The following UBOX5 variants were observed in gnomAD, a reference collection of about 807,000 sequenced individuals.
The protein encoded by UBOX5 is U-box domain containing 5.
A neutral mutation model predicts 39.0 loss-of-function variants in UBOX5; 28 were observed. The observed-to-expected ratio is 0.72, with a 90% CI of 0.53 to 0.98. UBOX5 has a LOEUF of 0.98. Ranked by LOEUF, UBOX5 falls within the 50% of genes least tolerant of loss-of-function variation. The probability of loss-of-function intolerance (pLI) is 0.00; values close to 1 mark genes in which losing one functional copy is unlikely to be tolerated. For missense variants in UBOX5, 585 were observed against 674.4 expected (o/e 0.87, Z 1.47); for synonymous variants, 283 against 275.5 (o/e 1.03, Z -0.27).
In UBOX5 at chr20:3,122,484, T is replaced by C. The variant is rs906436850; in HGVS notation, c.155A>G (p.Tyr52Cys). The change falls in exon 3 of 5, where the codon TAT becomes TGT. Residue 52 changes from tyrosine to cysteine, a missense_variant. Physicochemically the swap from Tyr to Cys is radical, Grantham distance 194. Transcript: ENST00000217173. ...RTEYFIKPPVYVTVSFPFNVE... is the reference protein window; with the variant it reads ...RTEYFIKPPVCVTVSFPFNVE... ...ATTAAAGGGAAATGAAACTGTCACA[T>C]AGACTGGTGGCTTAATGAAATACTC... The C allele has an allele frequency of 3.7e-6, 6 of 1,614,056 alleles. No individual in the cohort carries two copies. The highest frequency in any genetic ancestry group is 2.2e-5 in the East Asian group (1 of 44,894).
chr20:3,119,266 G>A (rs2066316446), intron 3 of UBOX5, among the ~76,000 whole-genome samples: 1 of 152,186 alleles, frequency 6.6e-6, no homozygotes, highest in African/African-American at 2.4e-5. Context: ...CAGCCAACCA[G>A]CAAGTGAGGC....
At position 3,121,758 on chromosome 20, in the gene UBOX5, C is replaced by T. The variant is rs1200986265; in HGVS notation, c.881G>A (p.Arg294His). 5 of 1,613,954 alleles carry T rather than the reference C, an allele frequency of 3.1e-6. No individual in the cohort carries two copies. Among genetic ancestry groups the T allele is most frequent in the Admixed American group, 1.7e-5 (1 of 59,996 alleles). The change falls in exon 3 of 5, where the codon CGC becomes CAC. Residue 294 changes from arginine (R) to histidine (H), a missense_variant. Physicochemically the swap from Arg to His is conservative, Grantham distance 29. Transcript: ENST00000217173. ...CACTCGGCCCCATGTGGCTTCACTG[C>T]GGTTACACTTCTCCAGTGTGCTCTG... ...IDQSTLEKCNRSEATWGRVPS... is the reference protein window; with the variant it reads ...IDQSTLEKCNHSEATWGRVPS...
At chr20:3,148,713 G>A in intron 1 of UBOX5, 1 of 1,614,202 alleles carries the variant, frequency 6.2e-7, no homozygotes, top group Non-Finnish European at 8.5e-7. Context: ...GGTCTTAGCT[G>A]TAGGAAAACT....
chr20:3,124,465 G>A (rs2066362442), intron 1 of UBOX5, among the ~76,000 whole-genome samples: 1 of 152,164 alleles, frequency 6.6e-6, no homozygotes, highest in South Asian at 2.1e-4. Context: ...CGTGATCTCG[G>A]CTCGCTACAA....
At chr20:3,121,363 G>A (rs201379156) in intron 3 of UBOX5, 21 bp downstream of exon 3, 201 of 1,588,538 alleles carry the variant, frequency 1.3e-4, no homozygotes, top group Non-Finnish European at 1.5e-4. Context: ...GCCTGGCTGC[G>A]GACACAGGAT....
intron 1 of UBOX5, among the ~76,000 whole-genome samples, chr20:3,127,883 T>C (rs1025077558): frequency 2.0e-5 from 3 of 152,220 alleles, no homozygotes; most frequent in South Asian, 2.1e-4. Context: ...TTCATCATGA[T>C]AGAAGAAACA....
At chr20:3,115,511 C>T in intron 3 of UBOX5, 45 bp from the exon 4 acceptor site, 1 of 1,556,906 alleles carries the variant, frequency 6.4e-7, no homozygotes, top group Admixed American at 1.9e-5. Context: ...ACAGGCTCCG[C>T]AAAAGAGAAC....
Position 3,112,930 on chromosome 20 carries a change from C to T in UBOX5, c.1417+2375G>A, listed in dbSNP as rs867639238. 2.0e-5 allele frequency among the ~76,000 whole-genome samples: 3 copies of T among 150,722 alleles called. No individual in the cohort carries two copies. In the South Asian group the frequency reaches 6.3e-4, roughly 32 times the overall value. ...GCAGTGAGCCAGGATTGTGCCACTG[C>T]ACTCCAGCCTGGGCGACAGAGCGAG... On this transcript the variant is annotated intron_variant, in intron 4 of 4. Coordinates refer to ENST00000217173, the MANE Select transcript of UBOX5 (RefSeq NM_014948.4).
intron 3 of UBOX5, among the ~76,000 whole-genome samples, chr20:3,115,920 C>T (rs533716161): frequency 1.3e-5 from 2 of 152,186 alleles, no homozygotes; most frequent in African/African-American, 2.4e-5. Context: ...TGCGCCACCA[C>T]GCCTGGCTAA....
intron 1 of UBOX5, among the ~76,000 whole-genome samples, chr20:3,124,625 T>C (rs938332077): frequency 7.3e-5 from 11 of 150,414 alleles, no homozygotes; most frequent in Admixed American, 4.0e-4. Flanking sequence ...AGCTGCCCCA[T>C]CTGGGATGTG....
chr20:3,143,531 C>A (rs771825917), intron 1 of UBOX5, among the ~76,000 whole-genome samples: 1 of 152,148 alleles, frequency 6.6e-6, no homozygotes, highest in African/African-American at 2.4e-5. Flanking sequence ...TACAGTGGCT[C>A]ACACCTGTAA....
Position 3,110,095 on chromosome 20 carries a change from A to T in UBOX5, c.*11T>A. 1 of 1,609,982 alleles carries T rather than the reference A, an allele frequency of 6.2e-7. No individual in the cohort carries two copies. The highest frequency in any genetic ancestry group is 8.5e-7 in the Non-Finnish European group (1 of 1,179,950). Reference sequence around the variant, plus strand: ...CCCAGCAATGGGTCTCCTCCAGTGGAGGTCAGTCACTCAGAAGTGGACCCG... The same window carrying T: ...CCCAGCAATGGGTCTCCTCCAGTGGTGGTCAGTCACTCAGAAGTGGACCCG... On this transcript the variant is annotated 3_prime_UTR_variant, in exon 5 of 5. Coordinates refer to ENST00000217173, the MANE Select transcript of UBOX5 (RefSeq NM_014948.4).
At chr20:3,152,406 G>A (rs2066639145) in intron 1 of UBOX5, among the ~76,000 whole-genome samples, 4 of 152,052 alleles carry the variant, frequency 2.6e-5, no homozygotes, top group Admixed American at 2.6e-4. Context: ...GGAGGCTGAG[G>A]CGGGAGAATC....
At chr20:3,148,343 T>C (rs1442408955) in intron 1 of UBOX5, 1 of 1,614,180 alleles carries the variant, frequency 6.2e-7, no homozygotes, top group South Asian at 1.1e-5. Flanking sequence ...CAAAAGGAGC[T>C]GATCCATATT....
intron 1 of UBOX5, among the ~76,000 whole-genome samples, chr20:3,125,169 G>A (rs1317974770): frequency 1.3e-5 from 2 of 149,352 alleles, no homozygotes; most frequent in Non-Finnish European, 3.0e-5. Context: ...GGGAAGTGAG[G>A]AGCGCCACTG....
At chr20:3,148,644 C>T in intron 1 of UBOX5, 2 of 1,614,182 alleles carry the variant, frequency 1.2e-6, no homozygotes, top group Non-Finnish European at 1.7e-6. Context: ...AGTTCACCTT[C>T]TGAAACAGAC....
rs1236998273 is a variant in UBOX5, at chr20:3,129,756, G to A, written c.-41-6350C>T. On this transcript the variant is annotated intron_variant, in intron 1 of 4. Transcript: ENST00000217173. ...CTCAGTACTAGAAGAGTTGTTTATC[G>A]CAAGCAATTCAATATTTTATGGTAT... 3.3e-5 allele frequency among the ~76,000 whole-genome samples: 5 copies of A among 152,090 alleles called. No individual in the cohort carries two copies. In the East Asian group the frequency reaches 7.7e-4, roughly 23 times the overall value.
At chr20:3,157,081 C>A (rs1437212762) in intron 1 of UBOX5, among the ~76,000 whole-genome samples, 1 of 148,568 alleles carries the variant, frequency 6.7e-6, no homozygotes, top group South Asian at 2.1e-4. Flanking sequence ...GGCTACATGG[C>A]GAGACCCTGT....
chr20:3,148,657 G>A (rs1409800601), intron 1 of UBOX5: 1 of 1,614,038 alleles, frequency 6.2e-7, no homozygotes, highest in Non-Finnish European at 8.5e-7. Context: ...AAACAGACAG[G>A]AGCTGAGAAG....
Sources: allele counts gnomAD v4.1 joint callset (sites outside exome capture counted in the v4.1 genomes callset), GRCh38; gene constraint gnomAD v4.1.1; transcripts MANE v1.5; gene names NCBI Gene and HGNC (gene_info 2026-07-23, HGNC 2026-07-21).